The following SNX8 variants were observed in gnomAD, a reference collection of about 807,000 sequenced individuals.
SNX8 encodes the protein sorting nexin 8.
SNX8 carries 25 observed loss-of-function variants against 51.6 expected under a neutral mutation model. The observed-to-expected ratio is 0.48, with a 90% confidence interval of 0.35 to 0.68. The LOEUF is 0.68. Among genes scored for constraint, SNX8 ranks in the 30% least tolerant of loss-of-function variants. The pLI is 0.00. For synonymous variants in SNX8, 324 were observed against 277.0 expected (o/e 1.17, Z -1.68); for missense variants, 695 against 624.0 (o/e 1.11, Z -1.21).
chr7:2,280,011 C>T (rs1795874464), intron 1 of SNX8, among the ~76,000 whole-genome samples: 1 of 152,116 alleles, frequency 6.6e-6, no homozygotes, highest in Non-Finnish European at 1.5e-5. Context: ...GAACACATTA[C>T]TTTCATATGC....
intron 1 of SNX8, among the ~76,000 whole-genome samples, chr7:2,312,888 G>GTTTGT (rs887254262): frequency 4.6e-5 from 7 of 151,818 alleles, no homozygotes; most frequent in Non-Finnish European, 8.8e-5. Context: ...GTTTAGCCTC[G>GTTTGT]TTTGTTTTGT....
intron 1 of SNX8, among the ~76,000 whole-genome samples, chr7:2,296,533 GT>G (rs1156510278): frequency 6.6e-6 from 1 of 151,984 alleles, no homozygotes; most frequent in Non-Finnish European, 1.5e-5. Context: ...AACAGAGATA[GT>G]TTGACTTCCT....
At chr7:2,285,069 G>A (rs149576434) in intron 1 of SNX8, among the ~76,000 whole-genome samples, 49 of 152,056 alleles carry the variant, frequency 3.2e-4, no homozygotes, top group African/African-American at 1.1e-3. Context: ...AAAATTAGCC[G>A]GGTGTGGTGG....
At chr7:2,274,995 C>T in intron 3 of SNX8, 117 bp downstream of exon 3, 1 of 737,430 alleles carries the variant, frequency 1.4e-6, no homozygotes, top group Admixed American at 2.1e-5. Flanking sequence ...TGGAGTTTCC[C>T]CCGCAGCCCT....
At chr7:2,255,718 G>C (rs887827567) in intron 10 of SNX8, among the ~76,000 whole-genome samples, 1 of 152,182 alleles carries the variant, frequency 6.6e-6, no homozygotes, top group African/African-American at 2.4e-5. Context: ...AAACCAAAAA[G>C]CAAACCAAAA....
intron 1 of SNX8, among the ~76,000 whole-genome samples, chr7:2,301,981 A>G (rs1289784982): frequency 1.3e-5 from 2 of 151,996 alleles, no homozygotes; most frequent in Non-Finnish European, 2.9e-5. Flanking sequence ...GGTGGCTCAC[A>G]CCTGTAATCC....
chr7:2,258,772 A>G (rs1300310986), intron 7 of SNX8, among the ~76,000 whole-genome samples: 1 of 152,136 alleles, frequency 6.6e-6, no homozygotes, highest in Non-Finnish European at 1.5e-5. Flanking sequence ...CGGTGGACAC[A>G]GGCTCCTCTT....
At chr7:2,271,416 C>T (rs1476718844) in intron 4 of SNX8, among the ~76,000 whole-genome samples, 1 of 152,218 alleles carries the variant, frequency 6.6e-6, no homozygotes, top group East Asian at 1.9e-4. Flanking sequence ...AGACCTCTGA[C>T]GGAGTGCATG....
intron 1 of SNX8, among the ~76,000 whole-genome samples, chr7:2,335,872 G>T (rs1778819178): frequency 6.7e-6 from 1 of 149,950 alleles, no homozygotes. Context: ...AAAAATGAAT[G>T]TTAATTTGTG....
chr7:2,302,792 C>T (rs1366037442), intron 1 of SNX8, among the ~76,000 whole-genome samples: 66 of 150,942 alleles, frequency 4.4e-4, no homozygotes, highest in Non-Finnish European at 5.9e-5. Flanking sequence ...TGCCCGGCCG[C>T]GACCTCGTCT....
chr7:2,301,932 T>C (rs112353371), intron 1 of SNX8, among the ~76,000 whole-genome samples: 114 of 152,254 alleles, frequency 7.5e-4, no homozygotes, highest in African/African-American at 2.5e-3. Flanking sequence ...GCAGAGCACA[T>C]TGTCCAGGCT....
At position 2,257,506 on chromosome 7, in the gene SNX8, G is replaced by A. The variant is rs1393819072; in HGVS notation, c.993C>T (p.Cys331=). The change falls in exon 9 of 11, where the codon TGC becomes TGT. Residue 331 remains cysteine (C), a synonymous_variant. Transcript: ENST00000222990. ...GCAACACGCCCTTCTCATGCCGCTC[G>A]CACAGGTCCTGCGGGGCCGGGGGAG... ...LDLLQSYKDL[C]ERHEKGVLHK... is the part of the protein sequence containing the mutation. 1.2e-6 allele frequency: 2 copies of A among 1,603,210 alleles called. No homozygotes were observed. Among genetic ancestry groups the A allele is most frequent in the Non-Finnish European group, 1.7e-6 (2 of 1,177,640 alleles).
At chr7:2,305,884 C>T (rs1439495667) in intron 1 of SNX8, among the ~76,000 whole-genome samples, 4 of 151,904 alleles carry the variant, frequency 2.6e-5, no homozygotes, top group African/African-American at 9.7e-5. Flanking sequence ...AGTTCAAGAA[C>T]AGCCTCAGCA....
chr7:2,269,595 G>C lies in SNX8; in HGVS notation c.585C>G (p.Asp195Glu). The change falls in exon 5 of 11, where the codon GAC becomes GAG. Residue 195 changes from aspartate (D) to glutamate (E), a missense_variant. Asp to Glu is a conservative substitution (Grantham distance 45). Transcript: ENST00000222990. ...TAGCCAGCTTACAGTTCAGGAATTC[G>C]TCCCCGACGCACTGTGCTGACTCCT... The part of the protein sequence containing the change: ...KLKESAQCVG[D>E]EFLNCKLATR... 1 of 1,592,756 alleles carries C rather than the reference G, an allele frequency of 6.3e-7. No homozygotes were observed. Among genetic ancestry groups the C allele is most frequent in the South Asian group, 1.1e-5 (1 of 87,692 alleles).
At chr7:2,283,854 G>A (rs766294985) in intron 1 of SNX8, among the ~76,000 whole-genome samples, 1 of 152,198 alleles carries the variant, frequency 6.6e-6, no homozygotes, top group Non-Finnish European at 1.5e-5. Context: ...AGAGTGCAGT[G>A]GCACAATCTT....
At chr7:2,314,114 A>G (rs1432600562) in intron 1 of SNX8, among the ~76,000 whole-genome samples, 1 of 151,808 alleles carries the variant, frequency 6.6e-6, no homozygotes, top group Non-Finnish European at 1.5e-5. Flanking sequence ...GGGGACCCCG[A>G]GGGACGGAGG....
intron 1 of SNX8, among the ~76,000 whole-genome samples, chr7:2,329,912 C>T (rs538087771): frequency 6.6e-6 from 1 of 151,422 alleles, no homozygotes; most frequent in South Asian, 2.1e-4. Context: ...ACCGCAACCT[C>T]CGCCTCCTGG....
At chr7:2,295,151 C>G (rs1306001276) in intron 1 of SNX8, among the ~76,000 whole-genome samples, 1 of 152,126 alleles carries the variant, frequency 6.6e-6, no homozygotes, top group Non-Finnish European at 1.5e-5. Flanking sequence ...ACCTGTTATC[C>G]CAGCAACTTT....
At position 2,255,054 on chromosome 7, in the gene SNX8, C is replaced by A. The variant is rs1478260247; in HGVS notation, c.*2G>T. ...CAGGGAGCACCACCTCAGCCTCAGG[C>A]GCTAGTGAGGACACAGGCCGTCCTC... On this transcript the variant is annotated 3_prime_UTR_variant, in exon 11 of 11. Transcript: ENST00000222990. 1 of 1,551,000 alleles carries A rather than the reference C, an allele frequency of 6.4e-7. No homozygotes were observed. The highest frequency in any genetic ancestry group is 1.2e-5 in the South Asian group (1 of 84,526).
Sources: allele counts gnomAD v4.1 joint callset (sites outside exome capture counted in the v4.1 genomes callset), GRCh38; gene constraint gnomAD v4.1.1; transcripts MANE v1.5; gene names NCBI Gene and HGNC (gene_info 2026-07-23, HGNC 2026-07-21).